The following IL34 variants were observed in gnomAD, a reference collection of about 807,000 sequenced individuals.
The protein encoded by IL34 is interleukin 34.
IL34 carries 17 observed loss-of-function variants against 25.3 expected under a neutral mutation model. The observed-to-expected ratio is 0.67, with a 90% CI of 0.46 to 1.01. The LOEUF (loss-of-function observed/expected upper bound fraction) is 1.01. Among genes scored for constraint, IL34 ranks in the 50% least tolerant of loss-of-function variants. The pLI is 0.00. For synonymous variants in IL34, 174 were observed against 140.9 expected, an observed-to-expected ratio of 1.23 and a Z score of -1.66; for missense variants, 368 against 312.9, an observed-to-expected ratio of 1.18 and a Z score of -1.33.
chr16:70,627,703 C>G (rs1030468538), intron 1 of IL34, among the ~76,000 whole-genome samples: 1 of 152,098 alleles, frequency 6.6e-6, no homozygotes, highest in Non-Finnish European at 1.5e-5. Flanking sequence ...CTCCAGGGCT[C>G]AAGAGATCTG....
At chr16:70,610,787 C>T (rs1344367910) in intron 1 of IL34, among the ~76,000 whole-genome samples, 3 of 152,206 alleles carry the variant, frequency 2.0e-5, no homozygotes, top group Non-Finnish European at 2.9e-5. Flanking sequence ...GCCGTCGGTG[C>T]GGGACAGTGG....
At chr16:70,618,992 AT>A (rs1349027354) in intron 1 of IL34, among the ~76,000 whole-genome samples, 3 of 152,134 alleles carry the variant, frequency 2.0e-5, no homozygotes, top group African/African-American at 7.2e-5. Context: ...AGAGGCAGGT[AT>A]TGAGGATAGG....
chr16:70,590,005 AC>A (rs1426055290), intron 1 of IL34, among the ~76,000 whole-genome samples: 3 of 152,184 alleles, frequency 2.0e-5, no homozygotes, highest in Non-Finnish European at 2.9e-5. Context: ...ACGCATGTGA[AC>A]TGTGTTATTA....
At chr16:70,597,919 C>A (rs1035092775) in intron 1 of IL34, among the ~76,000 whole-genome samples, 1 of 152,142 alleles carries the variant, frequency 6.6e-6, no homozygotes, top group Non-Finnish European at 1.5e-5. Flanking sequence ...CTCACTGTAA[C>A]CTCTGCCTCC....
intron 1 of IL34, among the ~76,000 whole-genome samples, chr16:70,619,005 G>C (rs921200294): frequency 2.0e-5 from 3 of 152,154 alleles, no homozygotes; most frequent in African/African-American, 7.2e-5. Context: ...GAGGATAGGA[G>C]AGTATATGGG....
At chr16:70,595,772 G>C (rs2050813378) in intron 1 of IL34, among the ~76,000 whole-genome samples, 1 of 152,090 alleles carries the variant, frequency 6.6e-6, no homozygotes, top group Non-Finnish European at 1.5e-5. Context: ...AGCACTTTGG[G>C]AGGCCGAGAC....
At chr16:70,616,106 T>C (rs1478225546) in intron 1 of IL34, among the ~76,000 whole-genome samples, 6 of 152,354 alleles carry the variant, frequency 3.9e-5, no homozygotes, top group Admixed American at 2.0e-4. Flanking sequence ...TACTGTGTGG[T>C]GAACATGCAG....
chr16:70,606,164 A>G (rs1351665009), intron 1 of IL34, among the ~76,000 whole-genome samples: 1 of 151,980 alleles, frequency 6.6e-6, no homozygotes, highest in Admixed American at 6.6e-5. Flanking sequence ...TGGGAGGCCA[A>G]GACAGATGGA....
At chr16:70,637,015 G>C (rs1305708909) in intron 1 of IL34, among the ~76,000 whole-genome samples, 1 of 151,444 alleles carries the variant, frequency 6.6e-6, no homozygotes, top group African/African-American at 2.4e-5. Flanking sequence ...CAGTAGCTGG[G>C]ACTACAGGCT....
chr16:70,621,616 C>G (rs540497414), intron 1 of IL34, among the ~76,000 whole-genome samples: 2 of 152,098 alleles, frequency 1.3e-5, no homozygotes, highest in Non-Finnish European at 1.5e-5. Context: ...AAATTTCATG[C>G]GCGTCCGTGT....
intron 1 of IL34, among the ~76,000 whole-genome samples, chr16:70,630,211 G>C (rs1156769210): frequency 6.6e-6 from 1 of 152,074 alleles, no homozygotes; most frequent in East Asian, 1.9e-4. Flanking sequence ...ACTCCATTCT[G>C]TATATGTTCT....
intron 1 of IL34, among the ~76,000 whole-genome samples, chr16:70,622,124 T>A (rs1597753143): frequency 6.6e-6 from 1 of 151,962 alleles, no homozygotes; most frequent in Admixed American, 6.6e-5. Context: ...TAAAGGCTGG[T>A]CTGTTATCAG....
intron 1 of IL34, among the ~76,000 whole-genome samples, chr16:70,582,472 G>C (rs2151801451): frequency 6.6e-6 from 1 of 152,354 alleles, no homozygotes; most frequent in South Asian, 2.1e-4. Context: ...CTGGATTCCG[G>C]TCCTGGCCAC....
At chr16:70,622,609 T>G (rs1431710794) in intron 1 of IL34, among the ~76,000 whole-genome samples, 2 of 151,478 alleles carry the variant, frequency 1.3e-5, no homozygotes, top group African/African-American at 4.9e-5. Context: ...GAAATGGGGT[T>G]AATGTCAGGT....
At chr16:70,620,493 C>T (rs1323404992) in intron 1 of IL34, among the ~76,000 whole-genome samples, 1 of 151,806 alleles carries the variant, frequency 6.6e-6, no homozygotes, top group Admixed American at 6.6e-5. Flanking sequence ...AGAATTGGGA[C>T]CTAGCTCAGC....
At chr16:70,615,432 G>T (rs1483120253) in intron 1 of IL34, among the ~76,000 whole-genome samples, 1 of 152,034 alleles carries the variant, frequency 6.6e-6, no homozygotes, top group Non-Finnish European at 1.5e-5. Context: ...GCTTGAACCT[G>T]GGAGGTGGAG....
At chr16:70,631,489 A>T (rs1313731547) in intron 1 of IL34, among the ~76,000 whole-genome samples, 1 of 152,156 alleles carries the variant, frequency 6.6e-6, no homozygotes, top group Non-Finnish European at 1.5e-5. Flanking sequence ...TTTTTTTAAT[A>T]TGTTAAAAAC....
intron 1 of IL34, among the ~76,000 whole-genome samples, chr16:70,596,074 C>G (rs549209749): frequency 6.6e-6 from 1 of 151,586 alleles, no homozygotes; most frequent in South Asian, 2.1e-4. Flanking sequence ...GTGTATTGTT[C>G]TAGAGCCTGG....
rs375787534 is a variant in IL34 at position 70,582,461 on chromosome 16, G to C, written c.-401+2412G>C. Among the ~76,000 whole-genome samples, 269 of 152,366 alleles carry C rather than the reference G, an allele frequency of 1.8e-3. 1 individual carries two copies. Among genetic ancestry groups the C allele is most frequent in the African/African-American group, 5.9e-3 (247 of 41,592 alleles). On this transcript the variant is annotated intron_variant, in intron 1 of 6. Transcript: ENST00000429149. Reference sequence around the variant, plus strand: ...GAGCGTAGGCTCTGGAGCTGGTCGGGCTGGATTCCGGTCCTGGCCACACCA... The same window carrying C: ...GAGCGTAGGCTCTGGAGCTGGTCGGCCTGGATTCCGGTCCTGGCCACACCA...
Sources: allele counts gnomAD v4.1 joint callset (sites outside exome capture counted in the v4.1 genomes callset), GRCh38; gene constraint gnomAD v4.1.1; transcripts MANE v1.5; gene names NCBI Gene and HGNC (gene_info 2026-07-23, HGNC 2026-07-21).